Variants in POM121L2 observed in about 807,000 individuals in gnomAD.
POM121L2 encodes the protein POM121-like protein 2.
For synonymous variants in POM121L2, 459 were observed against 483.8 expected (o/e 0.95, Z 0.67); for missense variants, 1,167 against 1,260.3 (o/e 0.93, Z 1.12).
chr6:27,311,070 TG>T, intron 1 of POM121L2: 1 of 1,551,968 alleles, frequency 6.4e-7, no homozygotes, highest in Non-Finnish European at 8.7e-7. Context: ...TGACCTCAGT[TG>T]TATCTTCTCC....
At chr6:27,311,973 A>AT (rs1280777802), upstream of POM121L2, 2 of 1,551,050 alleles carry the variant, frequency 1.3e-6, no homozygotes, top group Non-Finnish European at 1.7e-6. Context: ...ACGTGGTTGG[A>AT]TTGGCAGGAT....
At position 27,309,308 on chromosome 6, in the gene POM121L2, A is replaced by G. The variant is rs1342889018; in HGVS notation, c.2863T>C (p.Leu955=). ...GLPSHRTAFS[L]GRGSISARKT... ...CTTGCAGAAATGCTGCCTCTCCCCA[A>G]GGAAAAAGCTGTGCGGTGGCTGGGC... The change falls in exon 1 of 1, where the codon TTG becomes CTG. Residue 955 remains leucine (L), a synonymous_variant. Transcript: ENST00000444565. 1 of 1,551,392 alleles carries G rather than the reference A, an allele frequency of 6.4e-7. No homozygotes were observed. Among genetic ancestry groups the G allele is most frequent in the Non-Finnish European group, 8.7e-7 (1 of 1,146,772 alleles).
In POM121L2 at chr6:27,310,275, A is replaced by C. The variant is rs1306361188; in HGVS notation, c.1896T>G (p.Ser632=). The part of the protein sequence containing the change: ...VVMSTTLAST[S]KDSVFKPPLD... ...AAGGTGGCTTAAAAACAGAGTCTTTAGATGTGCTGGCTAGGGTGGTGGACA... is the reference window on the plus strand; with the variant it reads ...AAGGTGGCTTAAAAACAGAGTCTTTCGATGTGCTGGCTAGGGTGGTGGACA... Residue 632 remains serine (S), a synonymous_variant, in exon 1 of 1, where the codon TCT becomes TCG. Coordinates refer to ENST00000444565, the MANE Select transcript of POM121L2 (RefSeq NM_033482.4). 6.4e-7 allele frequency: 1 copy of C among 1,552,392 alleles called. No homozygotes were observed. Among genetic ancestry groups the C allele is most frequent in the Admixed American group, 2.0e-5 (1 of 51,016 alleles).
Position 27,309,895 on chromosome 6 carries a change from C to T in POM121L2, c.2276G>A (p.Ser759Asn). ...TPAITSPLGS[S>N]SRPPFPLSQG... is the part of the protein sequence containing the mutation. Reference sequence around the variant, plus strand: ...GGATAGTGGGAAAGGTGGCCTTGAGCTTGATCCCAAGGGACTTGTGATTGC... The same window carrying T: ...GGATAGTGGGAAAGGTGGCCTTGAGTTTGATCCCAAGGGACTTGTGATTGC... Residue 759 changes from serine to asparagine, a missense_variant, in exon 1 of 1, where the codon AGC becomes AAC. By Grantham distance (46) the Ser-to-Asn change is conservative. Transcript: ENST00000444565. The T allele has an allele frequency of 1.3e-6, 2 of 1,551,772 alleles. No homozygotes were observed. Among genetic ancestry groups the T allele is most frequent in the Non-Finnish European group, 1.7e-6 (2 of 1,147,024 alleles).
Position 27,312,077 on chromosome 6 carries a change from G to A in POM121L2, c.94C>T (p.Pro32Ser). Reference sequence around the variant, plus strand: ...CGATGAACTTGGTGAAGGGGCTGAGGTGGCCGGCGTTTCGTGGGCCTCTCG... The same window carrying A: ...CGATGAACTTGGTGAAGGGGCTGAGATGGCCGGCGTTTCGTGGGCCTCTCG... ...LPERPTKRRP[P>S]QPLHQVHRVQ... The change falls in exon 1 of 1, where the codon CCT (proline) becomes TCT (serine). Residue 32 changes from proline (P) to serine (S), a missense_variant. Coordinates refer to ENST00000444565, the MANE Select transcript of POM121L2 (RefSeq NM_033482.4). The surrounding 1 kb of genome is among the most constrained non-coding windows in gnomAD (Gnocchi z 6.7). 3 of 1,492,770 alleles carry A rather than the reference G, an allele frequency of 2.0e-6. No homozygotes were observed. The highest frequency in any genetic ancestry group is 2.4e-5 in the Admixed American group (1 of 41,850). 92.5% of individuals were successfully genotyped at this position (1,492,770 alleles called of 1,614,324 possible). A position where few individuals can be genotyped will look rare whatever the true frequency, so the allele number is the denominator to read the frequency against.
chr6:27,310,457 T>C lies in POM121L2; in HGVS notation c.1714A>G (p.Thr572Ala), dbSNP rs532584881. 1.3e-5 allele frequency: 20 copies of C among 1,552,240 alleles called. No homozygotes were observed. The South Asian group carries it at 2.3e-4, about 18-fold the overall frequency. The change falls in exon 1 of 1, where the codon ACC (threonine) becomes GCC (alanine). Residue 572 changes from threonine to alanine, a missense_variant. Physicochemically the swap from Thr to Ala is moderately conservative, Grantham distance 58. Coordinates refer to ENST00000444565, the MANE Select transcript of POM121L2 (RefSeq NM_033482.4). ...SISSLSTIQG[T>A]LTPTFKPIFG... Reference sequence around the variant, plus strand: ...ATAGGCTTGAAGGTAGGAGTTAAGGTACCCTGAATTGTGGAAAGGGAAGAG... The same window carrying C: ...ATAGGCTTGAAGGTAGGAGTTAAGGCACCCTGAATTGTGGAAAGGGAAGAG...
rs1315139739 is a variant in POM121L2 at position 27,311,563 on chromosome 6, C to A, written c.608G>T (p.Gly203Val). 6.4e-7 allele frequency: 1 copy of A among 1,551,714 alleles called. No homozygotes were observed. Among genetic ancestry groups the A allele is most frequent in the Non-Finnish European group, 8.7e-7 (1 of 1,147,008 alleles). ...CCTGGGCACAAAAGAAGTGAGGGTT[C>A]CATTTTTCATCAGGGGCTTAAATGC... The part of the protein sequence containing the change: ...PSAFKPLMKN[G>V]TLTSFVPRPG... Residue 203 changes from glycine (G) to valine (V), a missense_variant, in exon 1 of 1, where the codon GGA becomes GTA. By Grantham distance (109) the Gly-to-Val change is moderately radical (BLOSUM62 -3). Coordinates refer to ENST00000444565, the MANE Select transcript of POM121L2 (RefSeq NM_033482.4).
Position 27,311,333 on chromosome 6 carries a change from C to G in POM121L2, c.838G>C (p.Glu280Gln), listed in dbSNP as rs371690743. Residue 280 changes from glutamate to glutamine, a missense_variant, in exon 1 of 1, where the codon GAG becomes CAG. Coordinates refer to ENST00000444565, the MANE Select transcript of POM121L2 (RefSeq NM_033482.4). ...TTTTTTATTGGCCACTCTGGTGTCT[C>G]GAATGATACACTGGGAACACTTCTC... The part of the protein sequence containing the change: ...WKRSVPSVSF[E>Q]TPEWPIKKEK... The G allele has an allele frequency of 4.7e-5, 73 of 1,551,480 alleles. No individual in the cohort carries two copies. The highest frequency in any genetic ancestry group is 5.9e-5 in the Non-Finnish European group (68 of 1,147,004).
chr6:27,309,967 G>T lies in POM121L2; in HGVS notation c.2204C>A (p.Ser735Tyr). ...GGGGGTTGATGCAAGCCAGTTTGTGGATACTAGGGCAGAGGCAGGCAGAGG... is the reference window on the plus strand; with the variant it reads ...GGGGGTTGATGCAAGCCAGTTTGTGTATACTAGGGCAGAGGCAGGCAGAGG... The part of the protein sequence containing the change: ...GSPLPASALV[S>Y]TNWLASTPSI... Residue 735 changes from serine (S) to tyrosine (Y), a missense_variant, in exon 1 of 1, where the codon TCC (serine) becomes TAC (tyrosine). Transcript: ENST00000444565. 6 of 1,551,858 alleles carry T rather than the reference G, an allele frequency of 3.9e-6. No homozygotes were observed. Among genetic ancestry groups the T allele is most frequent in the Non-Finnish European group, 5.2e-6 (6 of 1,147,026 alleles).
At position 27,309,341 on chromosome 6, in the gene POM121L2, C is replaced by T. The variant is rs1181547989; in HGVS notation, c.2830G>A (p.Glu944Lys). The change falls in exon 1 of 1, where the codon GAA becomes AAA. Residue 944 changes from glutamate to lysine, a missense_variant. Physicochemically the swap from Glu to Lys is moderately conservative, Grantham distance 56. Transcript: ENST00000444565. ...GCTGTGCGGTGGCTGGGCAGGCCTT[C>T]AGTGTTCTGGCTCCAGCCTTTTCCA... ...PFGKGWSQNT[E>K]GLPSHRTAFS... The T allele has an allele frequency of 6.4e-7, 1 of 1,551,484 alleles. No homozygotes were observed. The highest frequency in any genetic ancestry group is 1.4e-5 in the African/African-American group (1 of 73,178).
In POM121L2 at chr6:27,310,062, G is replaced by T; in HGVS notation, c.2109C>A (p.Thr703=). The change falls in exon 1 of 1, where the codon ACC becomes ACA. Residue 703 remains threonine (T), a synonymous_variant. Transcript: ENST00000444565. ...IPTVHTVTMF[T]QVLSSVVQIS... ...TCTGTACAACACTGGAAAGGACCTG[G>T]GTAAACATGGTGACTGTATGCACAG... 6.4e-7 allele frequency: 1 copy of T among 1,552,228 alleles called. No individual in the cohort carries two copies. Among genetic ancestry groups the T allele is most frequent in the South Asian group, 1.2e-5 (1 of 84,062 alleles).
rs568499246 is a variant in POM121L2, at chr6:27,311,688, C to T, written c.483G>A (p.Arg161=). Residue 161 remains arginine (R), a synonymous_variant, in exon 1 of 1, where the codon AGG becomes AGA. Coordinates refer to ENST00000444565, the MANE Select transcript of POM121L2 (RefSeq NM_033482.4). ...TCCCTTTTCTGCACTCTCTGAGGGCCCTCAACACTGTCTCCTTTGAACATG... is the reference window on the plus strand; with the variant it reads ...TCCCTTTTCTGCACTCTCTGAGGGCTCTCAACACTGTCTCCTTTGAACATG... ...ADPCSKETVL[R]ALRECRKGKG... The T allele has an allele frequency of 3.9e-6, 6 of 1,551,858 alleles. No homozygotes were observed. Among genetic ancestry groups the T allele is most frequent in the Admixed American group, 3.9e-5 (2 of 51,002 alleles).
chr6:27,311,517 A>G lies in POM121L2; in HGVS notation c.654T>C (p.Ser218=), dbSNP rs1760745567. 2 of 1,551,486 alleles carry G rather than the reference A, an allele frequency of 1.3e-6. No homozygotes were observed. The highest frequency in any genetic ancestry group is 2.7e-5 in the African/African-American group (2 of 73,008). ...FVPRPGPLKR[S]LHSWGSDHSL... ...TGTGATCTGAGCCCCAGGAGTGGAG[A>G]CTTCTCTTCAGCGGCCCAGGCCTGG... Residue 218 remains serine (S), a synonymous_variant, in exon 1 of 1, where the codon AGT becomes AGC. Transcript: ENST00000444565.
rs1026546944 is a variant in POM121L2, at chr6:27,308,622, A to C, written c.*441T>G. Among the ~76,000 whole-genome samples, 5 of 152,358 alleles carry C rather than the reference A, an allele frequency of 3.3e-5. No individual in the cohort carries two copies. The highest frequency in any genetic ancestry group is 7.3e-5 in the Non-Finnish European group (5 of 68,032). ...CAAAGGTTACATACTGTTTGATTCC[A>C]TTTAAGTGACACTCTCTAAAAGACA... On this transcript the variant is annotated 3_prime_UTR_variant, in exon 1 of 1. Transcript: ENST00000444565.
chr6:27,309,947 T>C lies in POM121L2; in HGVS notation c.2224A>G (p.Thr742Ala), dbSNP rs1164187238. Residue 742 changes from threonine to alanine, a missense_variant, in exon 1 of 1, where the codon ACC becomes GCC. Thr to Ala is a moderately conservative substitution (Grantham distance 58). Transcript: ENST00000444565. Reference sequence around the variant, plus strand: ...GGAGTCAGGTTGGAGATGCTGGGGGTTGATGCAAGCCAGTTTGTGGATACT... The same window carrying C: ...GGAGTCAGGTTGGAGATGCTGGGGGCTGATGCAAGCCAGTTTGTGGATACT... ...ALVSTNWLAS[T>A]PSISNLTPAI... 2 of 1,551,378 alleles carry C rather than the reference T, an allele frequency of 1.3e-6. No homozygotes were observed. Among genetic ancestry groups the C allele is most frequent in the African/African-American group, 2.7e-5 (2 of 72,992 alleles).
chr6:27,311,422 C>G lies in POM121L2; in HGVS notation c.749G>C (p.Ser250Thr). 6.4e-7 allele frequency: 1 copy of G among 1,551,810 alleles called. No homozygotes were observed. Among genetic ancestry groups the G allele is most frequent in the South Asian group, 1.2e-5 (1 of 84,066 alleles). Reference protein sequence around the residue: ...LASIYRGGTLSSKRNAIGSSY... With the variant: ...LASIYRGGTLTSKRNAIGSSY... ...GCTGCCAATAGCATTCCTTTTGGAGCTGAGGGTGCCACCTCTGTATATGCT... is the reference window on the plus strand; with the variant it reads ...GCTGCCAATAGCATTCCTTTTGGAGGTGAGGGTGCCACCTCTGTATATGCT... The change falls in exon 1 of 1, where the codon AGC becomes ACC. Residue 250 changes from serine (S) to threonine (T), a missense_variant. Physicochemically the swap from Ser to Thr is moderately conservative, Grantham distance 58 (BLOSUM62 1). Coordinates refer to ENST00000444565, the MANE Select transcript of POM121L2 (RefSeq NM_033482.4).
At position 27,310,736 on chromosome 6, in the gene POM121L2, C is replaced by G. The variant is rs1253664690; in HGVS notation, c.1435G>C (p.Asp479His). The change falls in exon 1 of 1, where the codon GAC (aspartate) becomes CAC (histidine). Residue 479 changes from aspartate to histidine, a missense_variant. Transcript: ENST00000444565. Reference sequence around the variant, plus strand: ...GAGGTTGAAGGCGGCCAGGTGGTGTCAGTAACTGGTAATGTGGGAGAGGTG... The same window carrying G: ...GAGGTTGAAGGCGGCCAGGTGGTGTGAGTAACTGGTAATGTGGGAGAGGTG... The part of the protein sequence containing the change: ...TPTSPTLPVT[D>H]TTWPPSTSQA... The G allele has an allele frequency of 1.9e-6, 3 of 1,551,624 alleles. No individual in the cohort carries two copies. Among genetic ancestry groups the G allele is most frequent in the Admixed American group, 3.9e-5 (2 of 50,962 alleles).
Position 27,312,045 on chromosome 6 carries a change from C to T in POM121L2, c.126G>A (p.Gln42=). 6.6e-7 allele frequency: 1 copy of T among 1,526,716 alleles called. No individual in the cohort carries two copies. The highest frequency in any genetic ancestry group is 1.4e-5 in the African/African-American group (1 of 72,636). 94.6% of individuals were successfully genotyped at this position (1,526,716 alleles called of 1,614,324 possible). The change falls in exon 1 of 1, where the codon CAG becomes CAA. Residue 42 remains glutamine (Q), a synonymous_variant. Coordinates refer to ENST00000444565, the MANE Select transcript of POM121L2 (RefSeq NM_033482.4). This position sits in a 1 kb window ranked among gnomAD's most constrained non-coding sequence, Gnocchi z 6.7. ...PQPLHQVHRV[Q]FVHRAHPAPR... ...GGGCAGGGTGGGCGCGGTGGACGAA[C>T]TGAACCCGATGAACTTGGTGAAGGG...
chr6:27,309,857 G>T lies in POM121L2; in HGVS notation c.2314C>A (p.Pro772Thr). 1 of 1,551,768 alleles carries T rather than the reference G, an allele frequency of 6.4e-7. No homozygotes were observed. Among genetic ancestry groups the T allele is most frequent in the Non-Finnish European group, 8.7e-7 (1 of 1,147,016 alleles). The change falls in exon 1 of 1, where the codon CCC becomes ACC. Residue 772 changes from proline (P) to threonine (T), a missense_variant. Pro to Thr is a conservative substitution (Grantham distance 38). Coordinates refer to ENST00000444565, the MANE Select transcript of POM121L2 (RefSeq NM_033482.4). ...TTTGTGGCACCAAATGCAGGCTGGGGATTAGCTCCTTGGGATAGTGGGAAA... is the reference window on the plus strand; with the variant it reads ...TTTGTGGCACCAAATGCAGGCTGGGTATTAGCTCCTTGGGATAGTGGGAAA... ...PPFPLSQGAN[P>T]QPAFGATNGQ... is the part of the protein sequence containing the mutation.
Sources: allele counts gnomAD v4.1 joint callset (sites outside exome capture counted in the v4.1 genomes callset), GRCh38; gene constraint gnomAD v4.1.1; non-coding constraint Gnocchi (gnomAD v3.1); transcripts MANE v1.5; gene names NCBI Gene and HGNC (gene_info 2026-07-23, HGNC 2026-07-21).